The following RFTN2 variants were observed in gnomAD, a reference collection of about 807,000 sequenced individuals.
RFTN2 encodes raftlin family member 2, also known as raftlin-2.
A neutral mutation model predicts 52.7 loss-of-function variants in RFTN2; 34 were observed. The ratio of observed to expected loss-of-function variants is 0.64; its 90% CI spans 0.49 to 0.86. RFTN2 has a LOEUF of 0.86. Among genes scored for constraint, RFTN2 ranks in the 40% least tolerant of loss-of-function variants. RFTN2 has a pLI of 0.00. For missense variants in RFTN2, 536 were observed against 600.1 expected, an observed-to-expected ratio of 0.89 and a Z score of 1.12; for synonymous variants, 203 against 217.7, an observed-to-expected ratio of 0.93 and a Z score of 0.59.
At chr2:197,614,935 T>G (rs948319607) in intron 7 of RFTN2, among the ~76,000 whole-genome samples, 7 of 152,232 alleles carry the variant, frequency 4.6e-5, no homozygotes, top group Non-Finnish European at 7.3e-5. Context: ...AGTAGATTAA[T>G]TGCTTTGCTT....
At chr2:197,589,702 T>C (rs2087667122) in intron 8 of RFTN2, among the ~76,000 whole-genome samples, 1 of 152,132 alleles carries the variant, frequency 6.6e-6, no homozygotes, top group African/African-American at 2.4e-5. Flanking sequence ...TTTAACTGGG[T>C]TCTTTTCTTA....
chr2:197,609,069 T>C (rs553532775), intron 7 of RFTN2, among the ~76,000 whole-genome samples: 1 of 152,348 alleles, frequency 6.6e-6, no homozygotes, highest in Admixed American at 6.5e-5. Flanking sequence ...GATTTTGCTA[T>C]TGTGAAGAGT....
chr2:197,650,271 C>T (rs1220843015), intron 1 of RFTN2, among the ~76,000 whole-genome samples: 1 of 152,000 alleles, frequency 6.6e-6, no homozygotes, highest in Non-Finnish European at 1.5e-5. Flanking sequence ...CATTAAACAA[C>T]TCCCCATTAC....
chr2:197,635,056 G>T (rs904917543), intron 3 of RFTN2, among the ~76,000 whole-genome samples: 74 of 152,050 alleles, frequency 4.9e-4, no homozygotes, highest in African/African-American at 1.7e-3. Flanking sequence ...TCCCTACAAA[G>T]GACATGAACT....
chr2:197,599,286 A>C (rs1011762320), intron 7 of RFTN2, among the ~76,000 whole-genome samples: 2 of 152,298 alleles, frequency 1.3e-5, no homozygotes, highest in African/African-American at 2.4e-5. Flanking sequence ...GTTTTGGACA[A>C]TTTTAGCTGG....
At position 197,633,990 on chromosome 2, in the gene RFTN2, A is replaced by T; in HGVS notation, c.446T>A (p.Val149Asp). The T allele has an allele frequency of 6.2e-7, 1 of 1,606,568 alleles. No individual in the cohort carries two copies. The highest frequency in any genetic ancestry group is 8.5e-7 in the Non-Finnish European group (1 of 1,175,880). Reference sequence around the variant, plus strand: ...AAATTTCATTCCTCTTTTAGCAGCGACATTAATCTGATATTTAAAAAGAGA... The same window carrying T: ...AAATTTCATTCCTCTTTTAGCAGCGTCATTAATCTGATATTTAAAAAGAGA... ...AAKELIEKINVAAKRGMKFVG... is the reference protein window; with the variant it reads ...AAKELIEKINDAAKRGMKFVG... Residue 149 changes from valine (V) to aspartate (D), a missense_variant, in exon 4 of 9, where the codon GTC becomes GAC. Transcript: ENST00000295049.
At chr2:197,626,504 C>T (rs1574719689) in intron 5 of RFTN2, among the ~76,000 whole-genome samples, 1 of 149,514 alleles carries the variant, frequency 6.7e-6, no homozygotes, top group Non-Finnish European at 1.5e-5. Context: ...TTCAAGGCTA[C>T]AGTGAACTAT....
chr2:197,624,126 T>A (rs750282967), intron 5 of RFTN2, among the ~76,000 whole-genome samples: 3 of 152,148 alleles, frequency 2.0e-5, no homozygotes, highest in Non-Finnish European at 4.4e-5. Flanking sequence ...AAATGGAATC[T>A]ACTCCTGGTG....
At chr2:197,579,592 T>C (rs189415763) in intron 8 of RFTN2, among the ~76,000 whole-genome samples, 49 of 152,276 alleles carry the variant, frequency 3.2e-4, no homozygotes, top group African/African-American at 1.1e-3. Flanking sequence ...ATGCCTGACG[T>C]CCAGGCATTC....
At chr2:197,625,404 G>A (rs2088337581) in intron 5 of RFTN2, among the ~76,000 whole-genome samples, 1 of 152,100 alleles carries the variant, frequency 6.6e-6, no homozygotes, top group South Asian at 2.1e-4. Flanking sequence ...GGTGCAGAGA[G>A]GTAACACTCC....
At chr2:197,643,517 T>G (rs2088703600) in intron 3 of RFTN2, among the ~76,000 whole-genome samples, 1 of 152,230 alleles carries the variant, frequency 6.6e-6, no homozygotes, top group African/African-American at 2.4e-5. Context: ...TGTTACCAAC[T>G]GTCTCCTAAT....
intron 8 of RFTN2, among the ~76,000 whole-genome samples, chr2:197,575,191 G>A (rs184724879): frequency 1.8e-4 from 27 of 152,210 alleles, no homozygotes; most frequent in Admixed American, 6.5e-4. Flanking sequence ...CTTGCCTGCC[G>A]CCATGTAAGA....
chr2:197,662,783 A>T (rs11690163), intron 1 of RFTN2, among the ~76,000 whole-genome samples: 103,243 of 151,578 alleles, frequency 0.68, 35,491 homozygotes, highest in Middle Eastern at 0.85. Context: ...TTCTTTAAAA[A>T]TTTTTTTATA....
chr2:197,631,141 C>A lies in RFTN2; in HGVS notation c.798G>T (p.Leu266=), dbSNP rs1210121489. ...ATCCTTTTCTTGTTACTTTCATTGA[C>A]AGGATGCCTTCCTGATAGGCCCAGG... ...STSWAYQEGI[L]SMKVTRKGSV... Residue 266 remains leucine (L), a synonymous_variant, in exon 5 of 9, where the codon CTG becomes CTT. Coordinates refer to ENST00000295049, the MANE Select transcript of RFTN2 (RefSeq NM_144629.3). The A allele has an allele frequency of 3.7e-6, 6 of 1,613,548 alleles. No individual in the cohort carries two copies. The highest frequency in any genetic ancestry group is 5.1e-6 in the Non-Finnish European group (6 of 1,179,650).
At chr2:197,620,111 A>T (rs934732757) in intron 5 of RFTN2, among the ~76,000 whole-genome samples, 3 of 152,116 alleles carry the variant, frequency 2.0e-5, no homozygotes, top group South Asian at 4.1e-4. Flanking sequence ...TTAAAGACAT[A>T]ATATTAAAAT....
intron 8 of RFTN2, among the ~76,000 whole-genome samples, chr2:197,591,570 G>C (rs2087713875): frequency 6.6e-6 from 1 of 152,212 alleles, no homozygotes; most frequent in African/African-American, 2.4e-5. Flanking sequence ...CTCAGCCCTT[G>C]GGCGGTCCGT....
Position 197,596,353 on chromosome 2 carries a change from A to G in RFTN2, c.1155-284T>C, listed in dbSNP as rs553879717. ...ACACTTGTAATCTCACCAAGCTAAC[A>G]TCAATATTTTCATTTCTTTGTTTCC... On this transcript the variant is annotated intron_variant, in intron 7 of 8. Coordinates refer to ENST00000295049, the MANE Select transcript of RFTN2 (RefSeq NM_144629.3). Among the ~76,000 whole-genome samples, 27 of 152,306 alleles carry G rather than the reference A, an allele frequency of 1.8e-4. No homozygotes were observed. The Middle Eastern group carries it at 0.01, about 58-fold the overall frequency.
intron 1 of RFTN2, among the ~76,000 whole-genome samples, chr2:197,657,024 AT>A (rs979705452): frequency 8.4e-6 from 1 of 119,328 alleles, no homozygotes. Flanking sequence ...AGTTAAAAAA[AT>A]AAAAAAAAAA....
chr2:197,610,677 C>G (rs2088042125), intron 7 of RFTN2, among the ~76,000 whole-genome samples: 1 of 152,140 alleles, frequency 6.6e-6, no homozygotes, highest in Non-Finnish European at 1.5e-5. Flanking sequence ...GAGAGGGCAT[C>G]CTTGTCTTGT....
Sources: gnomAD v4.1 joint callset for allele counts (sites outside exome capture counted in the v4.1 genomes callset) on GRCh38, gnomAD v4.1.1 for gene constraint, MANE v1.5 for transcripts, NCBI Gene and HGNC (gene_info 2026-07-23, HGNC 2026-07-21) for gene names.